MED14: variants seen among roughly 807,000 people sequenced by gnomAD.
The protein encoded by MED14 is mediator complex subunit 14.
In MED14, 8 loss-of-function variants were observed where a neutral mutation model predicts 109.0. The observed-to-expected ratio is 0.07, with a 90% confidence interval of 0.04 to 0.13. The LOEUF is 0.13. Ranked by LOEUF, MED14 falls within the 10% of genes least tolerant of loss-of-function variation. The probability of loss-of-function intolerance (pLI) is 1.00; values close to 1 mark genes in which losing one functional copy is unlikely to be tolerated. For missense variants in MED14, 711 were observed against 1,142.4 expected (o/e 0.62, Z 5.44); for synonymous variants, 399 against 408.7 (o/e 0.98, Z 0.29).
Position 40,680,750 on chromosome X carries a change from T to C in MED14, c.2610+8A>G. ...TCTTATTTTTAGACAGAAAATAAAC[T>C]TAATTACCTGTAATAACTGAACCAC... is the stretch of plus-strand genomic sequence containing the variant. On this transcript the variant is annotated splice_region_variant and intron_variant, in intron 20 of 30. Coordinates refer to ENST00000324817, the MANE Select transcript of MED14 (RefSeq NM_004229.4). The C allele has an allele frequency of 1.7e-6, 2 of 1,188,432 alleles. No homozygotes were observed. The highest frequency in any genetic ancestry group is 2.3e-6 in the Non-Finnish European group (2 of 879,542).
At chrX:40,693,022 A>G in intron 13 of MED14, 120 bp from the exon 14 acceptor site, 1 of 532,176 alleles carries the variant, frequency 1.9e-6, no homozygotes, top group South Asian at 5.8e-5. Context: ...AAAAAAAAAA[A>G]AGGTTAAATC....
chrX:40,651,608 CACTAT>C lies in MED14; in HGVS notation c.*193_*197del. ...CTTTGAAATGTGTCCCATTTAAACA[CACTAT>C]ACAAGTTCATTATACAAAAGATGGA... On this transcript the variant is annotated 3_prime_UTR_variant, in exon 31 of 31. Transcript: ENST00000324817. 1.0e-6 allele frequency: 1 copy of C among 1,004,395 alleles called. No homozygotes were observed. 82.8% of individuals were successfully genotyped at this position (1,004,395 alleles called of 1,213,427 possible). A position where few individuals can be genotyped will look rare whatever the true frequency, so the allele number is the denominator to read the frequency against.
intron 3 of MED14, 21 bp from the exon 4 acceptor site, chrX:40,714,731 G>A (rs1024003694): frequency 9.4e-6 from 11 of 1,169,514 alleles, no homozygotes; most frequent in Non-Finnish European, 1.3e-5. Context: ...AAGGGTAAAT[G>A]TATTAAGCAT....
intron 3 of MED14, 196 bp downstream of exon 3, chrX:40,726,550 T>A (rs964532291): frequency 2.7e-6 from 1 of 367,089 alleles, no homozygotes; most frequent in Admixed American, 4.9e-5. Context: ...TCTCCAGCTA[T>A]CTCCTCTTCT....
In MED14 at chrX:40,679,444, T is replaced by C. The variant is rs764478411; in HGVS notation, c.2880+420A>G. Among the ~76,000 whole-genome samples, 3 of 111,572 alleles carry C rather than the reference T, an allele frequency of 2.7e-5. No individual in the cohort carries two copies. In the East Asian group the frequency reaches 8.5e-4, roughly 32 times the overall value. On this transcript the variant is annotated intron_variant, in intron 21 of 30. Transcript: ENST00000324817. ...GGCACTTGAACCCACATGGCTGAAG[T>C]TGCAGTGAGCCAAGATTGTGCCGCT...
chrX:40,719,390 T>G (rs746572632), intron 3 of MED14, among the ~76,000 whole-genome samples: 2 of 111,776 alleles, frequency 1.8e-5, no homozygotes, highest in Non-Finnish European at 3.8e-5. Context: ...AATCCAAAAC[T>G]GGAAACAACC....
intron 22 of MED14, among the ~76,000 whole-genome samples, chrX:40,674,058 T>C (rs1027470347): frequency 4.7e-4 from 52 of 110,304 alleles, no homozygotes; most frequent in African/African-American, 1.6e-3. Context: ...AGATTGAAAA[T>C]GCAAGAAAGT....
chrX:40,725,048 A>G (rs1215601301), intron 3 of MED14, among the ~76,000 whole-genome samples: 6 of 112,030 alleles, frequency 5.4e-5, no homozygotes, highest in Non-Finnish European at 1.1e-4. Flanking sequence ...ATGACAATAA[A>G]TTGGAAAATC....
chrX:40,670,617 C>T (rs1032196702), intron 23 of MED14, among the ~76,000 whole-genome samples: 1 of 110,069 alleles, frequency 9.1e-6, no homozygotes, highest in Non-Finnish European at 1.9e-5. Flanking sequence ...AAAAATTAGC[C>T]GGGCGCGGTA....
Position 40,712,985 on chromosome X carries a change from A to G in MED14, c.710T>C (p.Met237Thr). 8.4e-7 allele frequency: 1 copy of G among 1,192,413 alleles called. No homozygotes were observed. The highest frequency in any genetic ancestry group is 1.1e-6 in the Non-Finnish European group (1 of 882,583). The change falls in exon 6 of 31, where the codon ATG becomes ACG. Residue 237 changes from methionine (M) to threonine (T), a missense_variant. Physicochemically the swap from Met to Thr is moderately conservative, Grantham distance 81 (BLOSUM62 -1). Around this residue, in one of 8 missense-constraint regions of MED14, gnomAD observed 388 missense variants for 517.3 expected, o/e 0.75. Transcript: ENST00000324817. ...EGEFEATLTV[M>T]GDDPDVPWRL... is the part of the protein sequence containing the mutation. ...CCATGGAACATCAGGGTCATCTCCC[A>G]TCACAGTCAAGGTGGCTTCAAATTC... is the stretch of plus-strand genomic sequence containing the variant.
chrX:40,707,906 A>G (rs911695915), intron 10 of MED14, among the ~76,000 whole-genome samples: 3 of 111,946 alleles, frequency 2.7e-5, no homozygotes, highest in Admixed American at 1.9e-4. Context: ...TATGTGAATT[A>G]TATCTCAATA....
intron 22 of MED14, among the ~76,000 whole-genome samples, chrX:40,674,588 A>C (rs1309270168): frequency 1.8e-5 from 2 of 111,501 alleles, no homozygotes; most frequent in African/African-American, 6.5e-5. Context: ...GCCCCTGAAG[A>C]CTCCGGCCCA....
In MED14 at chrX:40,694,267, G is replaced by A. The variant is rs897779835; in HGVS notation, c.1651-1365C>T. Among the ~76,000 whole-genome samples, 4 of 111,634 alleles carry A rather than the reference G, an allele frequency of 3.6e-5. No homozygotes were observed. The South Asian group carries it at 1.5e-3, about 42-fold the overall frequency. On this transcript the variant is annotated intron_variant, in intron 13 of 30. Coordinates refer to ENST00000324817, the MANE Select transcript of MED14 (RefSeq NM_004229.4). ...AAGTTACTTGCCCAAGGTCACACACGTAGTAAGTGACAGACTCATGCTTTG... is the reference window on the plus strand; with the variant it reads ...AAGTTACTTGCCCAAGGTCACACACATAGTAAGTGACAGACTCATGCTTTG...
chrX:40,676,670 T>C (rs749997614), intron 21 of MED14, among the ~76,000 whole-genome samples: 5 of 111,641 alleles, frequency 4.5e-5, no homozygotes, highest in Non-Finnish European at 7.5e-5. Context: ...GAGGGACCGA[T>C]TGATTGGATT....
chrX:40,665,465 C>T (rs1377949181), intron 24 of MED14, among the ~76,000 whole-genome samples: 4 of 111,018 alleles, frequency 3.6e-5, no homozygotes, highest in Non-Finnish European at 7.6e-5. Context: ...CTTGAGAAGC[C>T]GAGGTTGCAG....
chrX:40,661,299 C>G (rs1929261056), intron 26 of MED14, among the ~76,000 whole-genome samples: 1 of 108,689 alleles, frequency 9.2e-6, no homozygotes, highest in African/African-American at 3.6e-5. Flanking sequence ...CCAGGCTGGT[C>G]TCGAACTCCT....
At chrX:40,735,636 G>C (rs1276062289), upstream of MED14, 45 of 496,036 alleles carry the variant, frequency 9.1e-5, no homozygotes, top group African/African-American at 4.6e-5. Context: ...AGGCGGGGAT[G>C]GGGGGGAAGC....
At position 40,735,315 on chromosome X, in the gene MED14, G is replaced by A; in HGVS notation, c.98C>T (p.Pro33Leu). 8.9e-7 allele frequency: 1 copy of A among 1,122,706 alleles called. No homozygotes were observed. The highest frequency in any genetic ancestry group is 1.9e-5 in the African/African-American group (1 of 53,061). The allele number at this position is 1,122,706 out of a possible 1,213,427, so 92.5% of individuals were successfully genotyped here. A position where few individuals can be genotyped will look rare whatever the true frequency, so the allele number is the denominator to read the frequency against. The stretch of plus-strand genomic sequence containing the variant: ...AGCGGCCGCCGCCACGGCGGCTCCC[G>A]GGGGAGGAGGGGCTGGGGCTGACGG... ...GPPSAPAPPP[P>L]GAAVAAAAAA... The change falls in exon 1 of 31, where the codon CCG becomes CTG. Residue 33 changes from proline (P) to leucine (L), a missense_variant. By Grantham distance (98) the Pro-to-Leu change is moderately conservative (BLOSUM62 -3). Transcript: ENST00000324817.
chrX:40,666,897 A>C, intron 23 of MED14, 46 bp from the exon 24 acceptor site: 1 of 1,087,334 alleles, frequency 9.2e-7, no homozygotes, highest in Non-Finnish European at 1.2e-6. Context: ...GACACATTTT[A>C]TGTCCTGTCC....
Sources: gnomAD v4.1 joint callset for allele counts (sites outside exome capture counted in the v4.1 genomes callset) on GRCh38, gnomAD v4.1.1 for gene constraint, gnomAD v4.1.1 regional missense constraint, MANE v1.5 for transcripts, NCBI Gene and HGNC (gene_info 2026-07-23, HGNC 2026-07-21) for gene names.